The following IFT88 variants were observed in gnomAD, a reference collection of about 807,000 sequenced individuals.
The protein encoded by IFT88 is intraflagellar transport protein 88 homolog.
A neutral mutation model predicts 119.5 loss-of-function variants in IFT88; 74 were observed. The observed-to-expected ratio is 0.62, with a 90% CI of 0.51 to 0.75. IFT88 has a LOEUF of 0.75. Ranked by LOEUF, IFT88 falls within the 30% of genes least tolerant of loss-of-function variation. The pLI is 0.00. For synonymous variants in IFT88, 279 were observed against 316.7 expected (o/e 0.88, Z 1.26); for missense variants, 961 against 977.7 (o/e 0.98, Z 0.23).
At chr13:20,601,619 G>A (rs933008458) in intron 11 of IFT88, 86 bp from the exon 12 acceptor site, 26 of 845,460 alleles carry the variant, frequency 3.1e-5, no homozygotes, top group Admixed American at 2.3e-4. Flanking sequence ...AGTGGGAGAC[G>A]AAAAAAGAAA....
At chr13:20,591,744 A>AT in intron 6 of IFT88, 63 bp downstream of exon 6, 1 of 1,046,460 alleles carries the variant, frequency 9.6e-7, no homozygotes, top group Admixed American at 2.0e-5. Flanking sequence ...TCATTTTGTG[A>AT]TATAAATATT....
intron 2 of IFT88, among the ~76,000 whole-genome samples, chr13:20,581,114 T>C (rs1183962511): frequency 2.6e-5 from 4 of 152,174 alleles, no homozygotes; most frequent in African/African-American, 4.8e-5. Context: ...AAGTGAATAC[T>C]CAGAATATCA....
chr13:20,640,805 T>C (rs2049815398), intron 17 of IFT88, among the ~76,000 whole-genome samples: 2 of 152,038 alleles, frequency 1.3e-5, no homozygotes, highest in South Asian at 4.2e-4. Context: ...TAGCATCTTT[T>C]GGTGTCTGCC....
At chr13:20,687,069 G>A (rs1469827182) in intron 24 of IFT88, among the ~76,000 whole-genome samples, 1 of 141,774 alleles carries the variant, frequency 7.1e-6, no homozygotes, top group African/African-American at 2.6e-5. Flanking sequence ...TAAAAACTAC[G>A]TCACTCTAAA....
At chr13:20,613,169 A>G (rs2480430) in intron 13 of IFT88, among the ~76,000 whole-genome samples, 25,047 of 152,158 alleles carry the variant, frequency 0.16, 2,403 homozygotes, top group African/African-American at 0.25. Context: ...TGAATGGGAG[A>G]AAATATTTGC....
chr13:20,581,438 A>C, intron 2 of IFT88, among the ~76,000 whole-genome samples: 1 of 152,100 alleles, frequency 6.6e-6, no homozygotes, highest in East Asian at 1.9e-4. Flanking sequence ...TTTTACCCAA[A>C]GATCTGCTAA....
intron 20 of IFT88, 47 bp downstream of exon 20, chr13:20,645,005 G>GT: frequency 1.1e-6 from 1 of 871,360 alleles, no homozygotes; most frequent in South Asian, 1.6e-5. Context: ...CATGTCTTGA[G>GT]TTTTTTTAAT....
At chr13:20,602,296 C>T (rs954957322) in intron 12 of IFT88, among the ~76,000 whole-genome samples, 2 of 147,030 alleles carry the variant, frequency 1.4e-5, no homozygotes, top group African/African-American at 5.0e-5. Context: ...TCTCTGCCTC[C>T]CAGGCTCTGG....
At chr13:20,636,554 G>A (rs143029924) in intron 16 of IFT88, among the ~76,000 whole-genome samples, 25 of 152,320 alleles carry the variant, frequency 1.6e-4, no homozygotes, top group African/African-American at 5.8e-4. Flanking sequence ...TTTATGAGGT[G>A]CACTTCCTAT....
At chr13:20,620,813 G>A (rs1364798851) in intron 14 of IFT88, among the ~76,000 whole-genome samples, 3 of 152,150 alleles carry the variant, frequency 2.0e-5, no homozygotes, top group African/African-American at 7.2e-5. Flanking sequence ...ATAGACGTGA[G>A]TCACCACATC....
chr13:20,576,232 A>G (rs1252657386), intron 2 of IFT88, among the ~76,000 whole-genome samples: 4 of 152,078 alleles, frequency 2.6e-5, no homozygotes, highest in Non-Finnish European at 4.4e-5. Flanking sequence ...ATTTTTTCCT[A>G]CAGAGTTGTT....
intron 23 of IFT88, among the ~76,000 whole-genome samples, chr13:20,670,055 G>A (rs2055524911): frequency 6.6e-6 from 1 of 152,120 alleles, no homozygotes; most frequent in Admixed American, 6.5e-5. Context: ...CTTTATCCAT[G>A]ACCTGACAAT....
intron 7 of IFT88, among the ~76,000 whole-genome samples, chr13:20,594,377 A>T (rs1249579474): frequency 2.6e-5 from 4 of 152,216 alleles, no homozygotes; most frequent in African/African-American, 9.6e-5. Flanking sequence ...ATATGCCTTC[A>T]TTTCTCAGTG....
chr13:20,656,355 T>G lies in IFT88; in HGVS notation c.2003-10T>G. 1 of 1,296,428 alleles carries G rather than the reference T, an allele frequency of 7.7e-7. No homozygotes were observed. The highest frequency in any genetic ancestry group is 1.1e-6 in the Non-Finnish European group (1 of 935,000). 80.3% of individuals were successfully genotyped at this position (1,296,428 alleles called of 1,614,324 possible). A position where few individuals can be genotyped will look rare whatever the true frequency, so the allele number is the denominator to read the frequency against. On this transcript the variant is annotated splice_polypyrimidine_tract_variant and intron_variant, in intron 21 of 25. Coordinates refer to ENST00000351808, the MANE Select transcript of IFT88 (RefSeq NM_006531.5). ...ATTTGCTAATATATTTTTCTCTTGT[T>G]TGTTTATAGGTAACTACCAAAAAGC...
intron 22 of IFT88, among the ~76,000 whole-genome samples, chr13:20,660,569 C>T (rs1025145322): frequency 9.2e-5 from 14 of 152,308 alleles, no homozygotes; most frequent in Admixed American, 6.5e-5. Context: ...AATGCAAAAT[C>T]ACAGTATTCA....
At chr13:20,583,444 C>T (rs1048345923) in intron 3 of IFT88, among the ~76,000 whole-genome samples, 1 of 152,144 alleles carries the variant, frequency 6.6e-6, no homozygotes, top group Non-Finnish European at 1.5e-5. Flanking sequence ...GTTTATACCA[C>T]ATTTTGTTTA....
chr13:20,654,558 C>T (rs567993880), intron 21 of IFT88, among the ~76,000 whole-genome samples: 1 of 152,128 alleles, frequency 6.6e-6, no homozygotes, highest in South Asian at 2.1e-4. Flanking sequence ...AAAAATGACC[C>T]AGGAAAAGAA....
chr13:20,624,702 A>C (rs1307694623), intron 14 of IFT88, among the ~76,000 whole-genome samples: 1 of 152,174 alleles, frequency 6.6e-6, no homozygotes, highest in Non-Finnish European at 1.5e-5. Flanking sequence ...TAATTAGTTC[A>C]GTCCATCATA....
chr13:20,686,609 A>C (rs1422466493), intron 24 of IFT88, among the ~76,000 whole-genome samples: 1 of 151,666 alleles, frequency 6.6e-6, no homozygotes, highest in African/African-American at 2.4e-5. Flanking sequence ...TGTATTATGT[A>C]CTCAGTTTCA....
Sources: allele counts gnomAD v4.1 joint callset (sites outside exome capture counted in the v4.1 genomes callset), GRCh38; gene constraint gnomAD v4.1.1; transcripts MANE v1.5; gene names NCBI Gene and HGNC (gene_info 2026-07-23, HGNC 2026-07-21).